COX7A2L: variants seen among roughly 807,000 people sequenced by gnomAD.
COX7A2L encodes cytochrome c oxidase subunit 7A2 like.
A neutral mutation model predicts 14.2 loss-of-function variants in COX7A2L; 18 were observed. That is an observed-to-expected ratio of 1.27 (90% CI 0.88 to 1.88). The LOEUF is 1.88. COX7A2L is among the 40% of genes most tolerant of loss of function. The pLI is 0.00. For synonymous variants in COX7A2L, 65 were observed against 57.4 expected, an observed-to-expected ratio of 1.13 and a Z score of -0.60; for missense variants, 179 against 138.8, an observed-to-expected ratio of 1.29 and a Z score of -1.46.
At chr2:42,347,342 T>C (rs1307214360), downstream of COX7A2L, among the ~76,000 whole-genome samples, 2 of 149,114 alleles carry the variant, frequency 1.3e-5, no homozygotes, top group Non-Finnish European at 3.0e-5. Flanking sequence ...ATTAGCACTA[T>C]TGAAATTGGA....
At chr2:42,360,863 G>A (rs746373620) in intron 1 of COX7A2L, 4 of 589,274 alleles carry the variant, frequency 6.8e-6, no homozygotes, top group East Asian at 5.9e-5. Context: ...CAGTGAGCCA[G>A]ACCAAACTTC....
At chr2:42,367,377 T>G (rs558969297) in intron 1 of COX7A2L, among the ~76,000 whole-genome samples, 3 of 152,150 alleles carry the variant, frequency 2.0e-5, no homozygotes, top group Non-Finnish European at 2.9e-5. Context: ...CACTAGTGCC[T>G]AGGCAAGGCC....
chr2:42,351,280 ACAG>A lies in COX7A2L; in HGVS notation c.281_283del (p.Thr94_Val95delinsMet). 1 of 1,614,190 alleles carries A rather than the reference ACAG, an allele frequency of 6.2e-7. No individual in the cohort carries two copies. The highest frequency in any genetic ancestry group is 2.2e-5 in the East Asian group (1 of 44,880). Reference sequence around the variant, plus strand: ...GATCAGGCAGTAGATGGTCCCTCCCACAGTCAGCGCCATGGTGGTCCGGTAAAG... The same window carrying A: ...GATCAGGCAGTAGATGGTCCCTCCCATCAGCGCCATGGTGGTCCGGTAAAG... On this transcript the variant is annotated inframe_deletion, in exon 3 of 3. Transcript: ENST00000234301.
At chr2:42,368,592 T>C (rs1355269986) in intron 1 of COX7A2L, among the ~76,000 whole-genome samples, 1 of 152,254 alleles carries the variant, frequency 6.6e-6, no homozygotes, top group Non-Finnish European at 1.5e-5. Context: ...TAGTGGCTTA[T>C]GTATCTGCCA....
chr2:42,348,593 G>C (rs1339117152), downstream of COX7A2L, among the ~76,000 whole-genome samples: 1 of 152,248 alleles, frequency 6.6e-6, no homozygotes, highest in African/African-American at 2.4e-5. Context: ...AAGGGCACTG[G>C]GGACTGACTA....
chr2:42,361,428 C>T (rs995206056), upstream of COX7A2L: 4 of 394,636 alleles, frequency 1.0e-5, no homozygotes, highest in Non-Finnish European at 1.8e-5. Context: ...TATGAAGTTC[C>T]CTCTTTCCCC....
downstream of COX7A2L, among the ~76,000 whole-genome samples, chr2:42,347,502 G>A (rs1361141059): frequency 1.3e-5 from 2 of 152,032 alleles, no homozygotes; most frequent in Non-Finnish European, 2.9e-5. Flanking sequence ...TTCAAAAAGA[G>A]ACTAAACTAT....
intron 1 of COX7A2L, among the ~76,000 whole-genome samples, 176 bp from the exon 2 acceptor site, chr2:42,353,519 G>C (rs1425008766): frequency 6.6e-6 from 1 of 152,146 alleles, no homozygotes; most frequent in Non-Finnish European, 1.5e-5. Flanking sequence ...GAGGGTCAGG[G>C]GGACGCCAAC....
chr2:42,346,583 G>C (rs978558000), downstream of COX7A2L, among the ~76,000 whole-genome samples: 8 of 152,056 alleles, frequency 5.3e-5, no homozygotes, highest in Admixed American at 4.6e-4. Flanking sequence ...TTCAAGACCA[G>C]CCTGGGCAAC....
At chr2:42,355,397 A>C (rs1220188463) in intron 1 of COX7A2L, among the ~76,000 whole-genome samples, 1 of 152,230 alleles carries the variant, frequency 6.6e-6, no homozygotes, top group African/African-American at 2.4e-5. Context: ...GGATCTCCAA[A>C]AATGGCTTGA....
intron 2 of COX7A2L, among the ~76,000 whole-genome samples, chr2:42,336,119 C>G (rs1323774598): frequency 1.3e-5 from 2 of 152,240 alleles, no homozygotes; most frequent in African/African-American, 4.8e-5. Context: ...GGCAGCTTCT[C>G]TCTGTCATTG....
intron 2 of COX7A2L, 88 bp from the exon 3 acceptor site, chr2:42,351,447 G>A: frequency 2.0e-6 from 3 of 1,465,500 alleles, no homozygotes; most frequent in Non-Finnish European, 2.8e-6. Context: ...TGTCTACTCG[G>A]TAAGTAATTC....
intron 1 of COX7A2L, 137 bp from the exon 2 acceptor site, chr2:42,353,480 C>T (rs1218125968): frequency 8.6e-7 from 1 of 1,167,500 alleles, no homozygotes; most frequent in Non-Finnish European, 1.2e-6. Context: ...GTCAAGAACC[C>T]CTTGCCATTA....
At chr2:42,362,863 C>CTTTTTTTTTT, upstream of COX7A2L, among the ~76,000 whole-genome samples, 1 of 134,274 alleles carries the variant, frequency 7.4e-6, no homozygotes, top group African/African-American at 2.8e-5. Flanking sequence ...TAGTGATTTC[C>CTTTTTTTTTT]TTTTTTTTTT....
chr2:42,363,488 A>G (rs991810027), upstream of COX7A2L, among the ~76,000 whole-genome samples: 12 of 152,154 alleles, frequency 7.9e-5, no homozygotes, highest in African/African-American at 2.4e-4. Context: ...AACACTGGTT[A>G]TTTTCTTAAA....
intron 1 of COX7A2L, 183 bp downstream of exon 1, chr2:42,360,907 A>T: frequency 1.5e-6 from 1 of 651,434 alleles, no homozygotes; most frequent in Non-Finnish European, 2.7e-6. Flanking sequence ...GTGAGCAGGT[A>T]CACAAAAAGA....
intron 1 of COX7A2L, among the ~76,000 whole-genome samples, chr2:42,355,934 C>CA (rs1326416489): frequency 6.6e-6 from 1 of 152,132 alleles, no homozygotes; most frequent in Non-Finnish European, 1.5e-5. Flanking sequence ...CCATGTTGGC[C>CA]AGGCTGGTCT....
upstream of COX7A2L, among the ~76,000 whole-genome samples, chr2:42,362,863 CTTTTTT>C (rs529125372): frequency 3.0e-5 from 4 of 134,256 alleles, no homozygotes; most frequent in South Asian, 2.4e-4. Context: ...TAGTGATTTC[CTTTTTT>C]TTTTTTTTTT....
intron 1 of COX7A2L, among the ~76,000 whole-genome samples, chr2:42,358,580 T>C (rs1166804137): frequency 6.6e-6 from 1 of 152,158 alleles, no homozygotes; most frequent in Non-Finnish European, 1.5e-5. Flanking sequence ...AAATTTACAA[T>C]TCATATAAAG....
Sources: allele counts gnomAD v4.1 joint callset (sites outside exome capture counted in the v4.1 genomes callset), GRCh38; gene constraint gnomAD v4.1.1; transcripts MANE v1.5; gene names NCBI Gene and HGNC (gene_info 2026-07-23, HGNC 2026-07-21).